The following PSMA3 variants were observed in gnomAD, a reference collection of about 807,000 sequenced individuals.
PSMA3 encodes proteasome 20S subunit alpha 3, also known as proteasome subunit alpha type-3.
In PSMA3, 8 loss-of-function variants were observed where a neutral mutation model predicts 40.0. The observed-to-expected ratio is 0.20, with a 90% confidence interval of 0.12 to 0.36. The LOEUF (loss-of-function observed/expected upper bound fraction) is 0.36. PSMA3 is among the 10% of genes least tolerant of loss of function. The pLI, the probability that PSMA3 is intolerant of heterozygous loss-of-function variation, is 1.00. For synonymous variants in PSMA3, 110 were observed against 100.0 expected (o/e 1.10, Z -0.59); for missense variants, 219 against 310.6 (o/e 0.70, Z 2.22).
intron 7 of PSMA3, chr14:58,267,266 T>C: frequency 1.1e-6 from 1 of 917,754 alleles, no homozygotes. Flanking sequence ...CCTCCCAAAG[T>C]GCTGGGATTA....
chr14:58,249,522 T>TG (rs1040048064), intron 2 of PSMA3, among the ~76,000 whole-genome samples: 5 of 151,980 alleles, frequency 3.3e-5, no homozygotes, highest in African/African-American at 1.2e-4. Context: ...AAACTTTTTT[T>TG]GGGGGCAGGA....
At chr14:58,247,884 T>C (rs774477589) in intron 2 of PSMA3, 52 bp downstream of exon 2, 85 of 1,312,138 alleles carry the variant, frequency 6.5e-5, no homozygotes, top group Non-Finnish European at 8.7e-5. Flanking sequence ...TTATATATTT[T>C]TGGCGATTAG....
chr14:58,246,021 A>G (rs1165852193), intron 1 of PSMA3, among the ~76,000 whole-genome samples: 1 of 152,224 alleles, frequency 6.6e-6, no homozygotes, highest in African/African-American at 2.4e-5. Context: ...CATTCTACAA[A>G]CCTTTTAAAG....
In PSMA3 at chr14:58,267,480, G is replaced by C. The variant is rs377728633; in HGVS notation, c.550G>C (p.Glu184Gln). Residue 184 changes from glutamate to glutamine, a missense_variant, in exon 8 of 11, where the codon GAA (glutamate) becomes CAA (glutamine). Glu to Gln is a conservative substitution (Grantham distance 29, BLOSUM62 2). Transcript: ENST00000216455. Reference sequence around the variant, plus strand: ...TACATTTTATTTTCTATAGATGAAAGAAATGACCTGCCGTGATATCGTTAA... The same window carrying C: ...TACATTTTATTTTCTATAGATGAAACAAATGACCTGCCGTGATATCGTTAA... ...KTEIEKLQMKEMTCRDIVKEV... is the reference protein window; with the variant it reads ...KTEIEKLQMKQMTCRDIVKEV... The C allele has an allele frequency of 5.2e-5, 81 of 1,561,874 alleles. No individual in the cohort carries two copies. Among genetic ancestry groups the C allele is most frequent in the Non-Finnish European group, 4.7e-5 (55 of 1,160,524 alleles).
chr14:58,261,117 AC>A (rs2140089793), intron 6 of PSMA3, 97 bp downstream of exon 6: 1 of 855,286 alleles, frequency 1.2e-6, no homozygotes, highest in South Asian at 1.8e-5. Flanking sequence ...TTAAAAAAAA[AC>A]TCATTCAAGG....
chr14:58,270,280 C>A, intron 8 of PSMA3, 138 bp from the exon 9 acceptor site: 5 of 1,213,252 alleles, frequency 4.1e-6, no homozygotes, highest in Non-Finnish European at 5.6e-6. Flanking sequence ...ATGTTAAATA[C>A]TATGTAGAAT....
At chr14:58,261,806 A>G (rs563188899) in intron 6 of PSMA3, among the ~76,000 whole-genome samples, 2 of 152,202 alleles carry the variant, frequency 1.3e-5, no homozygotes, top group South Asian at 2.1e-4. Context: ...TATAGAGACA[A>G]GGTCTTTCCA....
intron 4 of PSMA3, 37 bp from the exon 5 acceptor site, chr14:58,257,888 G>T (rs769718366): frequency 3.1e-5 from 50 of 1,612,460 alleles, no homozygotes; most frequent in Non-Finnish European, 4.2e-5. Context: ...GACAGTAATA[G>T]AAGTTTATTA....
intron 2 of PSMA3, among the ~76,000 whole-genome samples, chr14:58,249,671 G>A (rs920630375): frequency 1.3e-5 from 2 of 151,670 alleles, no homozygotes; most frequent in African/African-American, 2.4e-5. Context: ...GTGCCACCAC[G>A]CCTGGCAAAT....
At chr14:58,256,446 G>C (rs1470952748) in intron 3 of PSMA3, among the ~76,000 whole-genome samples, 8 of 135,802 alleles carry the variant, frequency 5.9e-5, no homozygotes, top group Non-Finnish European at 1.1e-4. Flanking sequence ...ATGGAGTCTC[G>C]CTCTGTTGCC....
chr14:58,264,351 C>A lies in PSMA3; in HGVS notation c.543+581C>A, dbSNP rs1350531628. ...TAGCTTTGCTCCTAGCCAGGTAAGG[C>A]ATAAAGCCTACACTCTTACGACTAC... On this transcript the variant is annotated intron_variant, in intron 7 of 10. Transcript: ENST00000216455. Among the ~76,000 whole-genome samples, 3 of 152,114 alleles carry A rather than the reference C, an allele frequency of 2.0e-5. No homozygotes were observed. In the East Asian group the frequency reaches 5.8e-4, roughly 29 times the overall value.
chr14:58,251,978 G>A (rs1890021910), intron 2 of PSMA3, 141 bp from the exon 3 acceptor site: 1 of 788,564 alleles, frequency 1.3e-6, no homozygotes, highest in Non-Finnish European at 1.9e-6. Flanking sequence ...ACTTTAGTGT[G>A]TTTTCTCTTC....
intron 7 of PSMA3, chr14:58,265,410 G>A (rs1001691798): frequency 6.6e-6 from 1 of 152,176 alleles, no homozygotes; most frequent in African/African-American, 2.4e-5. Flanking sequence ...TTCAGTTTGT[G>A]ACAAAATTAT....
chr14:58,248,704 C>T (rs1032943576), intron 2 of PSMA3, among the ~76,000 whole-genome samples: 3 of 151,890 alleles, frequency 2.0e-5, no homozygotes, highest in Admixed American at 6.6e-5. Flanking sequence ...CCTGTAATCC[C>T]AGCACTTTGG....
chr14:58,267,766 C>A, intron 8 of PSMA3: 1 of 541,502 alleles, frequency 1.8e-6, no homozygotes, highest in Non-Finnish European at 2.5e-6. Context: ...AGGTTAAGGA[C>A]ATATACCATT....
chr14:58,265,690 A>G (rs1890418697), intron 7 of PSMA3: 1 of 152,248 alleles, frequency 6.6e-6, no homozygotes, highest in Admixed American at 6.5e-5. Flanking sequence ...CTTCACAAAC[A>G]TGTAAAAAAT....
At position 58,247,639 on chromosome 14, in the gene PSMA3, T is replaced by G. The variant is rs564051495; in HGVS notation, c.22-111T>G. 54 of 669,504 alleles carry G rather than the reference T, an allele frequency of 8.1e-5. No homozygotes were observed. In the Admixed American group the frequency reaches 8.3e-4, roughly 10 times the overall value. The allele number at this position is 669,504 out of a possible 1,614,324, so 41.5% of individuals were successfully genotyped here. On this transcript the variant is annotated intron_variant, in intron 1 of 10. Coordinates refer to ENST00000216455, the MANE Select transcript of PSMA3 (RefSeq NM_002788.4). Reference sequence around the variant, plus strand: ...TCCCTTTCCTCTCTTGAAAGCAAGGTCTTTGTTGGGATATAACAGGTTCCT... The same window carrying G: ...TCCCTTTCCTCTCTTGAAAGCAAGGGCTTTGTTGGGATATAACAGGTTCCT...
At chr14:58,246,376 C>A (rs1037619561) in intron 1 of PSMA3, among the ~76,000 whole-genome samples, 1 of 152,182 alleles carries the variant, frequency 6.6e-6, no homozygotes, top group Non-Finnish European at 1.5e-5. Context: ...ACTCCCAGAA[C>A]CAACGCTTTA....
chr14:58,258,943 G>GT (rs1890208907), intron 5 of PSMA3, among the ~76,000 whole-genome samples: 2 of 126,820 alleles, frequency 1.6e-5, no homozygotes, highest in Non-Finnish European at 3.4e-5. Flanking sequence ...TTAGGGTTTT[G>GT]TTTTTACTTT....
Sources: gnomAD v4.1 joint callset for allele counts (sites outside exome capture counted in the v4.1 genomes callset) on GRCh38, gnomAD v4.1.1 for gene constraint, MANE v1.5 for transcripts, NCBI Gene and HGNC (gene_info 2026-07-23, HGNC 2026-07-21) for gene names.